ROBO2: variants seen among roughly 807,000 people sequenced by gnomAD.
ROBO2 encodes roundabout homolog 2.
Under a neutral mutation model 160.8 loss-of-function variants are expected in ROBO2, and 53 were observed. The ratio of observed to expected loss-of-function variants is 0.33; its 90% CI spans 0.26 to 0.41. The LOEUF (loss-of-function observed/expected upper bound fraction) is 0.41, where lower values mean the gene tolerates loss of function less well. Ranked by LOEUF, ROBO2 falls within the 10% of genes least tolerant of loss-of-function variation. The pLI is 1.00. For synonymous variants in ROBO2, 664 were observed against 611.7 expected, an observed-to-expected ratio of 1.09 and a Z score of -1.26; for missense variants, 1,577 against 1,722.4, an observed-to-expected ratio of 0.92 and a Z score of 1.49.
intron 2 of ROBO2, among the ~76,000 whole-genome samples, chr3:77,403,619 T>TG (rs1491148217): frequency 1.5e-3 from 40 of 27,198 alleles, no homozygotes; most frequent in African/African-American, 5.6e-3. Context: ...TGTGTGTGTA[T>TG]TTTTTTTTTT....
At chr3:77,616,302 G>A (rs762979708) in intron 21 of ROBO2, among the ~76,000 whole-genome samples, 1 of 152,066 alleles carries the variant, frequency 6.6e-6, no homozygotes, top group Non-Finnish European at 1.5e-5. Flanking sequence ...GAAATAGTGC[G>A]AGATTAAGCT....
intron 2 of ROBO2, among the ~76,000 whole-genome samples, chr3:76,735,310 G>A (rs528051077): frequency 2.6e-5 from 4 of 152,250 alleles, no homozygotes; most frequent in East Asian, 1.9e-4. Context: ...GCTGTAGGCC[G>A]TAATCTTAAG....
intron 2 of ROBO2, among the ~76,000 whole-genome samples, chr3:77,362,131 A>G (rs967415124): frequency 3.3e-5 from 5 of 152,216 alleles, no homozygotes; most frequent in African/African-American, 4.8e-5. Context: ...ATTTCCCTGA[A>G]GAAGTGAAAT....
At chr3:76,755,029 C>A (rs910479445) in intron 2 of ROBO2, among the ~76,000 whole-genome samples, 7 of 151,744 alleles carry the variant, frequency 4.6e-5, no homozygotes, top group African/African-American at 1.7e-4. Context: ...TTTTTCTATA[C>A]TCTTGTTAAA....
At chr3:77,013,983 G>C (rs969601713) in intron 2 of ROBO2, among the ~76,000 whole-genome samples, 2 of 152,018 alleles carry the variant, frequency 1.3e-5, no homozygotes, top group African/African-American at 2.4e-5. Context: ...TAAACATATA[G>C]TCAACAGACT....
At chr3:76,662,551 T>C (rs945758641) in intron 2 of ROBO2, among the ~76,000 whole-genome samples, 1 of 152,084 alleles carries the variant, frequency 6.6e-6, no homozygotes, top group Admixed American at 6.6e-5. Flanking sequence ...AAATAAACAT[T>C]ACAGTCAAAG....
At chr3:77,148,705 A>G (rs12486426) in intron 2 of ROBO2, among the ~76,000 whole-genome samples, 5,892 of 152,260 alleles carry the variant, frequency 0.039, 165 homozygotes, top group East Asian at 0.093. Flanking sequence ...CAAATATTAA[A>G]CACCATTATG....
intron 2 of ROBO2, among the ~76,000 whole-genome samples, chr3:76,103,131 CCATGTTTAAAA>C (rs1337225284): frequency 6.6e-6 from 1 of 152,214 alleles, no homozygotes; most frequent in East Asian, 1.9e-4. Context: ...CCAGACCTGA[CCATGTTTAAAA>C]GCCAAGAGAG....
intron 2 of ROBO2, among the ~76,000 whole-genome samples, chr3:77,160,297 G>T (rs1329255659): frequency 6.6e-6 from 1 of 152,040 alleles, no homozygotes; most frequent in Non-Finnish European, 1.5e-5. Context: ...GTGACTAAAA[G>T]AATTCAGAGT....
chr3:76,074,396 C>A (rs549889780), intron 2 of ROBO2, among the ~76,000 whole-genome samples: 1 of 152,152 alleles, frequency 6.6e-6, no homozygotes, highest in African/African-American at 2.4e-5. Flanking sequence ...AGAAGAGCAC[C>A]ATGGTTTGCT....
chr3:77,554,692 G>A (rs982608535), intron 8 of ROBO2, among the ~76,000 whole-genome samples: 2 of 151,900 alleles, frequency 1.3e-5, no homozygotes, highest in African/African-American at 2.4e-5. Flanking sequence ...AGTGGATCCC[G>A]AAGATGTGAC....
At chr3:77,322,529 C>T (rs1581051482) in intron 2 of ROBO2, among the ~76,000 whole-genome samples, 1 of 151,658 alleles carries the variant, frequency 6.6e-6, no homozygotes, top group Admixed American at 6.6e-5. Flanking sequence ...GAACATGATA[C>T]AAGCTCAGAA....
In ROBO2 at chr3:75,965,812, G is replaced by C. The variant is rs9835514; in HGVS notation, c.109+28210G>C. ...AAGTTACACCAGTTTCAATTTCCCA[G>C]AACTCTAATATATATCCCTGCATTC... On this transcript the variant is annotated intron_variant, in intron 2 of 26. Coordinates refer to the ROBO2 transcript ENST00000487694. Among the ~76,000 whole-genome samples the C allele has an allele frequency of 4.4e-3, 667 of 151,610 alleles. 6 individuals are homozygous for C. Among genetic ancestry groups the C allele is most frequent in the African/African-American group, 0.016 (643 of 41,422 alleles).
At chr3:77,644,052 A>G (rs2153724409) in intron 24 of ROBO2, among the ~76,000 whole-genome samples, 1 of 152,226 alleles carries the variant, frequency 6.6e-6, no homozygotes, top group African/African-American at 2.4e-5. Flanking sequence ...GAAAGAAAAA[A>G]CAATTTTTGA....
At chr3:76,098,700 G>T (rs2069558562) in intron 2 of ROBO2, among the ~76,000 whole-genome samples, 1 of 151,940 alleles carries the variant, frequency 6.6e-6, no homozygotes, top group South Asian at 2.1e-4. Context: ...AAGAAATAAT[G>T]GCTCTTAACA....
chr3:77,197,354 A>G (rs1012893553), intron 2 of ROBO2, among the ~76,000 whole-genome samples: 3 of 152,218 alleles, frequency 2.0e-5, no homozygotes, highest in African/African-American at 4.8e-5. Flanking sequence ...TTCGCAATGA[A>G]TATTCAGTCT....
At chr3:76,795,631 T>A (rs1236703868) in intron 2 of ROBO2, among the ~76,000 whole-genome samples, 1 of 152,102 alleles carries the variant, frequency 6.6e-6, no homozygotes, top group African/African-American at 2.4e-5. Context: ...ATTTCCATGA[T>A]ATATGCAATT....
At chr3:76,055,431 G>A (rs568474885) in intron 2 of ROBO2, among the ~76,000 whole-genome samples, 1 of 152,096 alleles carries the variant, frequency 6.6e-6, no homozygotes, top group Non-Finnish European at 1.5e-5. Context: ...TACTTCTAGT[G>A]CACCTGTCAC....
At chr3:76,985,479 G>A (rs950976387) in intron 2 of ROBO2, among the ~76,000 whole-genome samples, 3 of 147,596 alleles carry the variant, frequency 2.0e-5, no homozygotes, top group African/African-American at 7.5e-5. Flanking sequence ...CTACTCAGGA[G>A]GCTGAGGCAG....
Sources: gnomAD v4.1 joint callset for allele counts (sites outside exome capture counted in the v4.1 genomes callset) on GRCh38, gnomAD v4.1.1 for gene constraint, MANE v1.5 for transcripts, NCBI Gene and HGNC (gene_info 2026-07-23, HGNC 2026-07-21) for gene names.